Variants in ANAPC16 observed in about 807,000 individuals in gnomAD.
The protein encoded by ANAPC16 is anaphase promoting complex subunit 16.
ANAPC16 carries 6 observed loss-of-function variants against 13.1 expected under a neutral mutation model. That is an observed-to-expected ratio of 0.46 (90% confidence interval 0.25 to 0.90). The LOEUF (loss-of-function observed/expected upper bound fraction) is 0.90, where lower values mean the gene tolerates loss of function less well. Ranked by LOEUF, ANAPC16 falls within the 40% of genes least tolerant of loss-of-function variation. The pLI is 0.18. For missense variants in ANAPC16, 113 were observed against 131.1 expected (o/e 0.86, Z 0.67); for synonymous variants, 55 against 51.3 (o/e 1.07, Z -0.31).
At chr10:72,220,673 T>C (rs1412555315) in intron 1 of ANAPC16, 5 of 144,746 alleles carry the variant, frequency 3.5e-5, no homozygotes, top group Non-Finnish European at 4.5e-5. Flanking sequence ...CAAATATGTT[T>C]CAACTTTTTT....
chr10:72,218,163 AAAATATATATAT>A (rs1191762783), intron 1 of ANAPC16, among the ~76,000 whole-genome samples: 14 of 34,194 alleles, frequency 4.1e-4, no homozygotes, highest in East Asian at 3.9e-3. Context: ...AAAAAAAAAA[AAAATATATATAT>A]ATATATATAT....
At chr10:72,217,116 C>T (rs986523563) in intron 1 of ANAPC16, 1 of 451,876 alleles carries the variant, frequency 2.2e-6, no homozygotes, top group African/African-American at 2.0e-5. Context: ...GTTCTGTGCT[C>T]GGCATTGAGG....
chr10:72,226,431 T>C (rs1589713793), intron 2 of ANAPC16, among the ~76,000 whole-genome samples: 1 of 151,882 alleles, frequency 6.6e-6, no homozygotes, highest in African/African-American at 2.4e-5. Context: ...CCCAGCACTT[T>C]GGGAGGCTGA....
At chr10:72,221,140 T>C (rs955816522) in intron 1 of ANAPC16, among the ~76,000 whole-genome samples, 9 of 152,156 alleles carry the variant, frequency 5.9e-5, no homozygotes, top group Non-Finnish European at 1.3e-4. Flanking sequence ...AGTCTTGAAC[T>C]CCTGACCTCA....
chr10:72,221,555 T>C (rs918593548), intron 1 of ANAPC16, among the ~76,000 whole-genome samples: 2 of 136,494 alleles, frequency 1.5e-5, no homozygotes, highest in Admixed American at 1.4e-4. Flanking sequence ...TTCTTTTTTT[T>C]TTTTTTTTTT....
chr10:72,226,401 T>C (rs1589713757), intron 2 of ANAPC16, among the ~76,000 whole-genome samples: 1 of 152,030 alleles, frequency 6.6e-6, no homozygotes, highest in African/African-American at 2.4e-5. Flanking sequence ...AGGCCAGGCA[T>C]AGTGACTCAC....
At chr10:72,227,789 G>C (rs1339637603) in intron 2 of ANAPC16, among the ~76,000 whole-genome samples, 1 of 151,778 alleles carries the variant, frequency 6.6e-6, no homozygotes, top group Admixed American at 6.6e-5. Flanking sequence ...CCAGCACTTT[G>C]GGAGGCCGAG....
chr10:72,230,289 T>C, intron 2 of ANAPC16, 77 bp from the exon 3 acceptor site: 3 of 1,116,406 alleles, frequency 2.7e-6, no homozygotes, highest in Admixed American at 3.5e-5. Context: ...GGGAAAAGAA[T>C]AGACAAGTTT....
chr10:72,218,373 A>G (rs867909644), intron 1 of ANAPC16, among the ~76,000 whole-genome samples: 1 of 151,590 alleles, frequency 6.6e-6, no homozygotes, highest in Non-Finnish European at 1.5e-5. Flanking sequence ...TGCAGCAAGT[A>G]AGTAGCAAAA....
chr10:72,222,840 C>T (rs1347113467), intron 1 of ANAPC16, among the ~76,000 whole-genome samples: 1 of 152,132 alleles, frequency 6.6e-6, no homozygotes, highest in African/African-American at 2.4e-5. Context: ...TTGTTAAAGT[C>T]GTGTAAGCTT....
chr10:72,217,194 G>T (rs1450357039), intron 1 of ANAPC16: 1 of 386,526 alleles, frequency 2.6e-6, no homozygotes, highest in Non-Finnish European at 5.1e-6. Context: ...GAAAGTGTAG[G>T]CCGGGCGCGG....
At chr10:72,228,413 A>G (rs968636382) in intron 2 of ANAPC16, among the ~76,000 whole-genome samples, 3 of 152,208 alleles carry the variant, frequency 2.0e-5, no homozygotes, top group African/African-American at 7.2e-5. Flanking sequence ...GCATTGTCTA[A>G]TTGCCTACTG....
Position 72,232,988 on chromosome 10 carries a change from T to G in ANAPC16, c.218-13T>G. The G allele has an allele frequency of 1.2e-6, 2 of 1,609,582 alleles. No individual in the cohort carries two copies. Among genetic ancestry groups the G allele is most frequent in the South Asian group, 2.2e-5 (2 of 90,988 alleles). On this transcript the variant is annotated splice_polypyrimidine_tract_variant and intron_variant, in intron 3 of 3. Transcript: ENST00000299381. The stretch of plus-strand genomic sequence containing the variant: ...ACGTTGTTGCATAATATTCTTTCCT[T>G]GACTCCTTACAGATCAGCAAGTTGC...
chr10:72,221,764 CTT>C (rs1174379091), intron 1 of ANAPC16, among the ~76,000 whole-genome samples: 103 of 142,688 alleles, frequency 7.2e-4, no homozygotes, highest in African/African-American at 2.5e-3. Flanking sequence ...GAGTCTCACT[CTT>C]TTGCCCAGGC....
At chr10:72,219,132 A>G (rs1447997083) in intron 1 of ANAPC16, among the ~76,000 whole-genome samples, 1 of 152,206 alleles carries the variant, frequency 6.6e-6, no homozygotes, top group Non-Finnish European at 1.5e-5. Flanking sequence ...TGAGATATAT[A>G]AACAGTTCAC....
chr10:72,232,878 A>G (rs1860366523), intron 3 of ANAPC16, 123 bp from the exon 4 acceptor site: 1 of 752,816 alleles, frequency 1.3e-6, no homozygotes, highest in East Asian at 2.7e-5. Flanking sequence ...TGCTGGGATT[A>G]TAGGCGTGAT....
intron 2 of ANAPC16, among the ~76,000 whole-genome samples, chr10:72,227,200 T>C (rs189155357): frequency 7.9e-4 from 120 of 152,308 alleles, no homozygotes; most frequent in African/African-American, 2.7e-3. Flanking sequence ...ATACAGGAGG[T>C]ACCTCCACAG....
chr10:72,232,572 A>G (rs1418610387), intron 3 of ANAPC16, among the ~76,000 whole-genome samples: 7 of 145,662 alleles, frequency 4.8e-5, no homozygotes, highest in South Asian at 4.5e-4. Flanking sequence ...CCAAAAAAAG[A>G]GAGAGAATCT....
In ANAPC16 at chr10:72,231,706, G is replaced by A. The variant is rs540422244; in HGVS notation, c.217+1266G>A. ...CAAATAGCTGGGACTACAGGTGCAC[G>A]CCACCACGCCCAGCTAATTTTTGTA... On this transcript the variant is annotated intron_variant, in intron 3 of 3. Transcript: ENST00000299381. Among the ~76,000 whole-genome samples the A allele has an allele frequency of 1.8e-4, 27 of 152,128 alleles. No individual in the cohort carries two copies. The South Asian group carries it at 2.1e-3, about 12-fold the overall frequency.
Sources: allele counts gnomAD v4.1 joint callset (sites outside exome capture counted in the v4.1 genomes callset), GRCh38; gene constraint gnomAD v4.1.1; transcripts MANE v1.5; gene names NCBI Gene and HGNC (gene_info 2026-07-23, HGNC 2026-07-21).